Variants in ANO1 observed in about 807,000 individuals in gnomAD.
ANO1 encodes the protein anoctamin 1.
A neutral mutation model predicts 124.0 loss-of-function variants in ANO1; 59 were observed. The ratio of observed to expected loss-of-function variants is 0.48; its 90% CI spans 0.39 to 0.59. The LOEUF (loss-of-function observed/expected upper bound fraction) is 0.59. Among genes scored for constraint, ANO1 ranks in the 20% least tolerant of loss-of-function variants. The probability of loss-of-function intolerance (pLI) is 0.00; values close to 1 mark genes in which losing one functional copy is unlikely to be tolerated. For synonymous variants in ANO1, 529 were observed against 532.0 expected, an observed-to-expected ratio of 0.99 and a Z score of 0.08; for missense variants, 1,059 against 1,328.0, an observed-to-expected ratio of 0.80 and a Z score of 3.15.
rs1427387005 is a variant in ANO1 at position 70,126,140 on chromosome 11, G to A, written c.1042G>A (p.Val348Met). 9 of 1,613,638 alleles carry A rather than the reference G, an allele frequency of 5.6e-6. No individual in the cohort carries two copies. Among genetic ancestry groups the A allele is most frequent in the South Asian group, 1.1e-5 (1 of 90,980 alleles). Residue 348 changes from valine (V) to methionine (M), a missense_variant, in exon 10 of 26, where the codon GTG becomes ATG. Val to Met is a conservative substitution (Grantham distance 21). This residue lies in a region of ANO1 where 809 missense variants were observed against 1,094.9 expected (regional missense o/e 0.74). Coordinates refer to ENST00000355303, the MANE Select transcript of ANO1 (RefSeq NM_018043.7). ...CCAGATGCTCATCCCTGCCTCCATCGTGGGAATCATTGTCTTCCTGTACGG... is the reference window on the plus strand; with the variant it reads ...CCAGATGCTCATCCCTGCCTCCATCATGGGAATCATTGTCTTCCTGTACGG... Reference protein sequence around the residue: ...YTQMLIPASIVGIIVFLYGCA... With the variant: ...YTQMLIPASIMGIIVFLYGCA...
chr11:69,975,390 G>A, the ANO1 span, among the ~76,000 whole-genome samples: 1 of 152,224 alleles, frequency 6.6e-6, no homozygotes, highest in African/African-American at 2.4e-5. Flanking sequence ...AGTCCCCAGA[G>A]GAGAGCTGCC....
rs201263223 is a variant in ANO1 at position 70,185,662 on chromosome 11, G to A, written c.2661G>A (p.Leu887=). The change falls in exon 25 of 26, where the codon CTG becomes CTA. Residue 887 remains leucine (L), a synonymous_variant. Coordinates refer to ENST00000355303, the MANE Select transcript of ANO1 (RefSeq NM_018043.7). ...TCTCCAAGGACTTCTGGGCCGTCCTGGCAGCCCGGCTGGCGTTTGTCATCG... is the reference window on the plus strand; with the variant it reads ...TCTCCAAGGACTTCTGGGCCGTCCTAGCAGCCCGGCTGGCGTTTGTCATCG... The part of the protein sequence containing the change: ...YDISKDFWAV[L]AARLAFVIVF... 133 of 1,613,964 alleles carry A rather than the reference G, an allele frequency of 8.2e-5. 1 individual carries two copies. The African/African-American group carries it at 1.5e-3, about 18-fold the overall frequency.
At chr11:69,984,019 A>AT (rs1318664009), upstream of ANO1, among the ~76,000 whole-genome samples, 28 of 151,738 alleles carry the variant, frequency 1.8e-4, no homozygotes, top group African/African-American at 4.8e-4. Context: ...ACGTATTTAC[A>AT]TTTTTTTTTC....
chr11:70,079,581 T>A (rs1429682015), intron 1 of ANO1, among the ~76,000 whole-genome samples: 1 of 152,156 alleles, frequency 6.6e-6, no homozygotes, highest in Non-Finnish European at 1.5e-5. Context: ...GGGCTGGGAC[T>A]GGCTATCTCC....
chr11:70,007,157 A>G (rs78723375), intron 1 of ANO1, among the ~76,000 whole-genome samples: 6,710 of 151,690 alleles, frequency 0.044, 489 homozygotes, highest in African/African-American at 0.15. Flanking sequence ...TGTTTTAGAT[A>G]CCCCATATGA....
intron 1 of ANO1, among the ~76,000 whole-genome samples, chr11:69,994,106 C>CG (rs369776939): frequency 3.3e-5 from 5 of 150,416 alleles, no homozygotes; most frequent in Middle Eastern, 3.4e-3. Context: ...GTCGTTAACC[C>CG]CCCCCCACAG....
chr11:70,027,221 G>T (rs1856923090), intron 1 of ANO1, among the ~76,000 whole-genome samples: 1 of 152,168 alleles, frequency 6.6e-6, no homozygotes. Context: ...ATATTGTTGA[G>T]TCAAAAATGC....
At chr11:70,094,470 T>G (rs184008096) in intron 2 of ANO1, among the ~76,000 whole-genome samples, 8 of 152,016 alleles carry the variant, frequency 5.3e-5, no homozygotes, top group Admixed American at 4.6e-4. Flanking sequence ...ATTTGAGGAG[T>G]CTCGGGCCTA....
chr11:70,009,271 A>T (rs897069265), intron 1 of ANO1, among the ~76,000 whole-genome samples: 1 of 152,104 alleles, frequency 6.6e-6, no homozygotes, highest in Non-Finnish European at 1.5e-5. Context: ...CAGTCTACGA[A>T]TGTGGTTGTG....
At chr11:70,141,919 G>A (rs950331936) in intron 11 of ANO1, among the ~76,000 whole-genome samples, 1 of 152,062 alleles carries the variant, frequency 6.6e-6, no homozygotes, top group Non-Finnish European at 1.5e-5. Flanking sequence ...GTGGCCACCC[G>A]CCCGCCGGGG....
chr11:69,969,382 T>C, the ANO1 span, among the ~76,000 whole-genome samples: 1 of 152,152 alleles, frequency 6.6e-6, no homozygotes, highest in Admixed American at 6.5e-5. Context: ...CTGGGGAGTC[T>C]CTCTGCACTC....
chr11:70,186,568 T>C (rs1049613097), intron 25 of ANO1, among the ~76,000 whole-genome samples: 2 of 151,230 alleles, frequency 1.3e-5, no homozygotes, highest in African/African-American at 4.9e-5. Flanking sequence ...TAGGGAGGGG[T>C]CTGGGCCAAC....
At chr11:69,967,401 A>G in the ANO1 span, among the ~76,000 whole-genome samples, 1 of 152,228 alleles carries the variant, frequency 6.6e-6, no homozygotes, top group Non-Finnish European at 1.5e-5. Flanking sequence ...CCTGAGCTTC[A>G]TCAGGTCCTA....
intron 8 of ANO1, among the ~76,000 whole-genome samples, chr11:70,117,647 G>A (rs112792198): frequency 0.023 from 3,554 of 152,096 alleles, 62 homozygotes; most frequent in Non-Finnish European, 0.029. Flanking sequence ...TTTCCCTCTC[G>A]GGAAGCAGTC....
intron 25 of ANO1, among the ~76,000 whole-genome samples, chr11:70,186,399 A>AAGG (rs1565291366): frequency 1.2e-5 from 1 of 83,432 alleles, no homozygotes; most frequent in Non-Finnish European, 2.3e-5. Flanking sequence ...AGGAAGGAAG[A>AAGG]AAGACATGGA....
chr11:69,976,423 C>A, the ANO1 span, among the ~76,000 whole-genome samples: 1 of 148,270 alleles, frequency 6.7e-6, no homozygotes, highest in Admixed American at 6.8e-5. Flanking sequence ...AGGAGAATGG[C>A]GTGAACCCGG....
In ANO1 at chr11:70,129,519, GCA is replaced by G. The variant is rs975209482; in HGVS notation, c.1098-2388_1098-2387del. On this transcript the variant is annotated intron_variant, in intron 10 of 25. Coordinates refer to ENST00000355303, the MANE Select transcript of ANO1 (RefSeq NM_018043.7). The stretch of plus-strand genomic sequence containing the variant: ...CACCCTGCCCGACCCCTGCTCCCAT[GCA>G]CACACACACACTTCCTCCATGCTCC... 6 of 151,946 alleles carry G rather than the reference GCA, an allele frequency of 3.9e-5. No individual in the cohort carries two copies. The South Asian group carries it at 6.2e-4, about 16-fold the overall frequency. The allele number at this position is 151,946 out of a possible 1,614,324, so 9.4% of individuals were successfully genotyped here.
At chr11:69,992,036 C>A (rs1478889430) in intron 1 of ANO1, among the ~76,000 whole-genome samples, 2 of 152,218 alleles carry the variant, frequency 1.3e-5, no homozygotes, top group Admixed American at 6.5e-5. Context: ...CCTTGATGGA[C>A]TTGGTTTACT....
At chr11:70,095,350 GAAAGAAAGA>G (rs2044856659) in intron 2 of ANO1, among the ~76,000 whole-genome samples, 1 of 15,306 alleles carries the variant, frequency 6.5e-5, no homozygotes, top group Non-Finnish European at 1.2e-4. Context: ...GAAAGAAAAA[GAAAGAAAGA>G]AAGAAAGAAA....
Sources: gnomAD v4.1 joint callset for allele counts (sites outside exome capture counted in the v4.1 genomes callset) on GRCh38, gnomAD v4.1.1 for gene constraint, gnomAD v4.1.1 regional missense constraint, MANE v1.5 for transcripts, NCBI Gene and HGNC (gene_info 2026-07-23, HGNC 2026-07-21) for gene names.